Variants in DMC1 observed in about 807,000 individuals in gnomAD.
The protein encoded by DMC1 is meiotic recombination protein DMC1 homolog.
DMC1 carries 27 observed loss-of-function variants against 50.1 expected under a neutral mutation model. The ratio of observed to expected loss-of-function variants is 0.54; its 90% CI spans 0.40 to 0.74. The LOEUF (loss-of-function observed/expected upper bound fraction) is 0.74. Ranked by LOEUF, DMC1 falls within the 30% of genes least tolerant of loss-of-function variation. DMC1 has a pLI of 0.00. For synonymous variants in DMC1, 148 were observed against 136.1 expected (o/e 1.09, Z -0.61); for missense variants, 295 against 420.2 (o/e 0.70, Z 2.60).
At chr22:38,514,147 T>G (rs62228900), downstream of DMC1, among the ~76,000 whole-genome samples, 1,862 of 152,224 alleles carry the variant, frequency 0.012, 17 homozygotes, top group Middle Eastern at 0.02. Flanking sequence ...TTGCTAGCAT[T>G]GTTAGAGGTG....
rs747313599 is a variant in DMC1, at chr22:38,568,283, A to G, written c.-27T>C. The G allele has an allele frequency of 1.9e-6, 3 of 1,612,068 alleles. No individual in the cohort carries two copies. The African/African-American group carries it at 4.0e-5, about 22-fold the overall frequency. On this transcript the variant is annotated 5_prime_UTR_variant, in exon 2 of 14. Coordinates refer to ENST00000216024, the MANE Select transcript of DMC1 (RefSeq NM_007068.4). ...TTGAAAAGTGGGCAACAGAAAAATA[A>G]TCACTTCTGGGAAAATAAGAAATAT...
chr22:38,562,235 C>T, intron 5 of DMC1, 52 bp downstream of exon 5: 1 of 1,157,380 alleles, frequency 8.6e-7, no homozygotes. Flanking sequence ...GGAAAAGAAA[C>T]ATGGTATTCC....
Position 38,519,891 on chromosome 22 carries a change from C to A in DMC1, c.*129G>T. 1 of 717,680 alleles carries A rather than the reference C, an allele frequency of 1.4e-6. No homozygotes were observed. Among genetic ancestry groups the A allele is most frequent in the Non-Finnish European group, 2.5e-6 (1 of 399,538 alleles). The allele number at this position is 717,680 out of a possible 1,614,324, so 44.5% of individuals were successfully genotyped here. On this transcript the variant is annotated 3_prime_UTR_variant, in exon 14 of 14. Transcript: ENST00000216024. ...TTTAAGATAAATATAAGATTTAAAT[C>A]TCTTTGCTGACTTTTCTTTAGTAAC...
chr22:38,529,993 T>A (rs1159729274), intron 12 of DMC1, among the ~76,000 whole-genome samples: 1 of 151,944 alleles, frequency 6.6e-6, no homozygotes, highest in African/African-American at 2.4e-5. Flanking sequence ...GGAGATGGAG[T>A]CTTGCTCTGT....
intron 7 of DMC1, among the ~76,000 whole-genome samples, chr22:38,551,391 C>T (rs535786530): frequency 5.3e-5 from 8 of 152,022 alleles, no homozygotes; most frequent in African/African-American, 1.4e-4. Flanking sequence ...TACAGTGGCA[C>T]GATCTCGGCC....
At chr22:38,534,987 CAA>C (rs1291108584) in intron 12 of DMC1, among the ~76,000 whole-genome samples, 3 of 151,092 alleles carry the variant, frequency 2.0e-5, no homozygotes, top group Non-Finnish European at 4.4e-5. Flanking sequence ...GCCTGGGAAA[CAA>C]GAGTGAAACT....
At chr22:38,547,176 T>TA (rs1188484028) in intron 8 of DMC1, among the ~76,000 whole-genome samples, 1 of 150,834 alleles carries the variant, frequency 6.6e-6, no homozygotes, top group East Asian at 1.9e-4. Flanking sequence ...AGCTGGGATT[T>TA]ATAGCAACCA....
intron 7 of DMC1, among the ~76,000 whole-genome samples, chr22:38,552,185 C>T (rs2090420892): frequency 6.6e-6 from 1 of 152,096 alleles, no homozygotes; most frequent in East Asian, 1.9e-4. Flanking sequence ...AACCACTTTG[C>T]CAAGTTCCTT....
At chr22:38,536,685 T>G (rs1182470424) in intron 12 of DMC1, among the ~76,000 whole-genome samples, 1 of 152,210 alleles carries the variant, frequency 6.6e-6, no homozygotes, top group Non-Finnish European at 1.5e-5. Context: ...CCCTAGGATC[T>G]ATTTCTTATT....
chr22:38,563,845 G>A (rs1371209466), intron 4 of DMC1, among the ~76,000 whole-genome samples: 3 of 151,700 alleles, frequency 2.0e-5, no homozygotes, highest in Non-Finnish European at 4.4e-5. Flanking sequence ...GACTACAGGC[G>A]CCTGCCACCA....
Position 38,553,497 on chromosome 22 carries a change from C to CAA in DMC1, c.380-792_380-791dup, listed in dbSNP as rs372645739. On this transcript the variant is annotated intron_variant, in intron 6 of 13. Coordinates refer to ENST00000216024, the MANE Select transcript of DMC1 (RefSeq NM_007068.4). ...TGGGTGACAGAGCGAGACTCCGTCTCAAAAAAAAAAAAAAAAAAAGAAAGT... is the reference window on the plus strand; with the variant it reads ...TGGGTGACAGAGCGAGACTCCGTCTCAAAAAAAAAAAAAAAAAAAAAGAAAGT... 2.5e-3 allele frequency among the ~76,000 whole-genome samples: 118 copies of CAA among 46,958 alleles called. 1 individual carries two copies. The highest frequency in any genetic ancestry group is 8.5e-3 in the African/African-American group (109 of 12,788). 30.8% of individuals were successfully genotyped at this position (46,958 alleles called of 152,430 possible).
rs1207349337 is a variant in DMC1 at position 38,519,982 on chromosome 22, T to C, written c.*38A>G. 1 of 1,547,696 alleles carries C rather than the reference T, an allele frequency of 6.5e-7. No individual in the cohort carries two copies. The highest frequency in any genetic ancestry group is 8.9e-7 in the Non-Finnish European group (1 of 1,120,068). ...ACTGCTTTTCCATTTCTTCAGCTCC[T>C]AATAAGCACTAAGAAGCAATTTGCA... On this transcript the variant is annotated 3_prime_UTR_variant, in exon 14 of 14. Coordinates refer to ENST00000216024, the MANE Select transcript of DMC1 (RefSeq NM_007068.4).
chr22:38,523,463 T>G (rs1485078791), intron 12 of DMC1, among the ~76,000 whole-genome samples: 1 of 152,250 alleles, frequency 6.6e-6, no homozygotes, highest in African/African-American at 2.4e-5. Context: ...ACTCCGAGCC[T>G]GCAAACACTG....
At chr22:38,566,854 C>T in intron 3 of DMC1, 118 bp from the exon 4 acceptor site, 2 of 1,060,998 alleles carry the variant, frequency 1.9e-6, no homozygotes, top group Admixed American at 1.9e-5. Context: ...TTTATACAAG[C>T]TGCCAGGTGG....
At chr22:38,555,490 T>C in intron 5 of DMC1, 81 bp from the exon 6 acceptor site, 1 of 895,302 alleles carries the variant, frequency 1.1e-6, no homozygotes, top group Non-Finnish European at 1.9e-6. Context: ...ATCATTAGTA[T>C]CCTTCCTATC....
rs553694227 is a variant in DMC1 at position 38,562,304 on chromosome 22, G to A, written c.309C>T (p.Thr103=). 2.7e-5 allele frequency: 44 copies of A among 1,610,176 alleles called. No individual in the cohort carries two copies. The highest frequency in any genetic ancestry group is 4.5e-5 in the East Asian group (2 of 44,770). Residue 103 remains threonine, a synonymous_variant, in exon 5 of 14, where the codon ACC becomes ACT. Coordinates refer to ENST00000216024, the MANE Select transcript of DMC1 (RefSeq NM_007068.4). ...ATACATACTCAAATTCCTGGCTCCC[G>A]GTGGTGATATGGAAAACCATTTTCC... The part of the protein sequence containing the change: ...EKRKMVFHIT[T]GSQEFDKLLG...
chr22:38,537,347 G>A (rs945729990), intron 12 of DMC1, among the ~76,000 whole-genome samples: 3 of 152,072 alleles, frequency 2.0e-5, no homozygotes, highest in Non-Finnish European at 4.4e-5. Context: ...CGGAGTAGCT[G>A]AGATTACAGG....
chr22:38,543,639 CCTT>C (rs918117084), intron 8 of DMC1, among the ~76,000 whole-genome samples: 56 of 152,152 alleles, frequency 3.7e-4, no homozygotes, highest in African/African-American at 1.3e-3. Flanking sequence ...TTAACTTCCT[CCTT>C]CTTCTTGCTT....
chr22:38,512,782 CTTA>C, the DMC1 span, among the ~76,000 whole-genome samples: 1 of 152,122 alleles, frequency 6.6e-6, no homozygotes, highest in African/African-American at 2.4e-5. Context: ...CAAAGGGAAA[CTTA>C]TTAGAAAGAC....
Sources: allele counts gnomAD v4.1 joint callset (sites outside exome capture counted in the v4.1 genomes callset), GRCh38; gene constraint gnomAD v4.1.1; transcripts MANE v1.5; gene names NCBI Gene and HGNC (gene_info 2026-07-23, HGNC 2026-07-21).